TOX: variants seen among roughly 807,000 people sequenced by gnomAD.
TOX encodes thymocyte selection associated high mobility group box.
TOX carries 11 observed loss-of-function variants against 53.7 expected under a neutral mutation model. The ratio of observed to expected loss-of-function variants is 0.20; its 90% CI spans 0.13 to 0.34. TOX has a LOEUF of 0.34. TOX is among the 10% of genes least tolerant of loss of function. The probability of loss-of-function intolerance (pLI) is 1.00; values close to 1 mark genes in which losing one functional copy is unlikely to be tolerated. For synonymous variants in TOX, 225 were observed against 245.3 expected (o/e 0.92, Z 0.77); for missense variants, 570 against 664.6 (o/e 0.86, Z 1.56).
chr8:58,811,642 C>T (rs1252512089), intron 7 of TOX, among the ~76,000 whole-genome samples: 1 of 152,154 alleles, frequency 6.6e-6, no homozygotes, highest in East Asian at 1.9e-4. Flanking sequence ...AAATTACACC[C>T]AAATCCTAAA....
chr8:58,989,579 C>A (rs1384537978), intron 1 of TOX, among the ~76,000 whole-genome samples: 2 of 152,106 alleles, frequency 1.3e-5, no homozygotes, highest in Non-Finnish European at 2.9e-5. Context: ...AATTGTTTTT[C>A]CTTTACTGTT....
chr8:58,960,266 A>G (rs1267374314), intron 1 of TOX, among the ~76,000 whole-genome samples: 1 of 152,168 alleles, frequency 6.6e-6, no homozygotes, highest in African/African-American at 2.4e-5. Flanking sequence ...CAAGAAATGA[A>G]TGGTTTCCTT....
At chr8:59,055,590 T>C (rs1803875824) in intron 1 of TOX, among the ~76,000 whole-genome samples, 1 of 152,182 alleles carries the variant, frequency 6.6e-6, no homozygotes, top group Admixed American at 6.5e-5. Context: ...ATGGGAAATT[T>C]AACACATAAT....
chr8:58,893,147 G>A (rs1278752325), intron 3 of TOX, among the ~76,000 whole-genome samples: 1 of 152,072 alleles, frequency 6.6e-6, no homozygotes, highest in East Asian at 1.9e-4. Flanking sequence ...ATTTTGTAAA[G>A]TTATAATTTT....
At chr8:58,812,669 T>C (rs1009073256) in intron 7 of TOX, among the ~76,000 whole-genome samples, 6 of 152,174 alleles carry the variant, frequency 3.9e-5, no homozygotes, top group African/African-American at 1.4e-4. Flanking sequence ...TATTTGTTTA[T>C]CATATCACCA....
At chr8:59,076,744 T>G (rs996819829) in intron 1 of TOX, among the ~76,000 whole-genome samples, 1 of 152,224 alleles carries the variant, frequency 6.6e-6, no homozygotes, top group African/African-American at 2.4e-5. Context: ...TTCAAAAACA[T>G]GCTCTCTTCA....
chr8:59,083,583 T>C (rs1037915693), intron 1 of TOX, among the ~76,000 whole-genome samples: 10 of 152,188 alleles, frequency 6.6e-5, no homozygotes, highest in Non-Finnish European at 1.5e-4. Context: ...AATGATTATA[T>C]TTTATTTCAA....
chr8:58,978,209 A>C (rs1343769945), intron 1 of TOX, among the ~76,000 whole-genome samples: 1 of 151,712 alleles, frequency 6.6e-6, no homozygotes, highest in Non-Finnish European at 1.5e-5. Flanking sequence ...CTGGGATCTT[A>C]GATAGTCCCA....
rs115137820 is a variant in TOX at position 58,934,560 on chromosome 8, T to G, written c.411+4742A>C. Among the ~76,000 whole-genome samples the G allele has an allele frequency of 2.8e-3, 420 of 152,266 alleles. 2 individuals are homozygous for G. Among genetic ancestry groups the G allele is most frequent in the African/African-American group, 9.5e-3 (394 of 41,540 alleles). On this transcript the variant is annotated intron_variant, in intron 3 of 8. Transcript: ENST00000361421. ...AGCTGGTAAGCAGAAGTGCCAGGAT[T>G]TGAACTGACGCACTCTGGCCCAAAG...
chr8:58,871,172 C>CAAA lies in TOX; in HGVS notation c.412-19370_412-19368dup, dbSNP rs36036067. Among the ~76,000 whole-genome samples, 115 of 70,394 alleles carry CAAA rather than the reference C, an allele frequency of 1.6e-3. 2 individuals carry two copies. Among genetic ancestry groups the CAAA allele is most frequent in the Middle Eastern group, 0.016 (2 of 122 alleles). The allele number at this position is 70,394 out of a possible 152,430, so 46.2% of individuals were successfully genotyped here. Reference sequence around the variant, plus strand: ...ATACTGCTGATTGAAAGAAGCCAGTCAAAAAAAAAAAAAAAAAAAGCTACA... The same window carrying CAAA: ...ATACTGCTGATTGAAAGAAGCCAGTCAAAAAAAAAAAAAAAAAAAAAAGCTACA... On this transcript the variant is annotated intron_variant, in intron 3 of 8. Coordinates refer to ENST00000361421, the MANE Select transcript of TOX (RefSeq NM_014729.3).
chr8:58,977,631 C>T (rs1042642996), intron 1 of TOX, among the ~76,000 whole-genome samples: 2 of 152,170 alleles, frequency 1.3e-5, no homozygotes, highest in Admixed American at 6.5e-5. Flanking sequence ...AGATGTGAGA[C>T]TCTTCCTTTC....
intron 3 of TOX, 26 bp downstream of exon 3, chr8:58,939,276 C>G (rs1812394508): frequency 6.2e-7 from 1 of 1,612,502 alleles, no homozygotes; most frequent in Non-Finnish European, 8.5e-7. Context: ...TCAGCCCCCA[C>G]CACAAACAGG....
At chr8:59,021,155 C>A (rs540049435) in intron 1 of TOX, among the ~76,000 whole-genome samples, 27 of 143,946 alleles carry the variant, frequency 1.9e-4, no homozygotes, top group Non-Finnish European at 3.6e-4. Context: ...TTCTCTAAAC[C>A]AATGTAACAG....
intron 1 of TOX, among the ~76,000 whole-genome samples, chr8:59,102,711 A>G (rs1327782920): frequency 6.6e-6 from 1 of 152,194 alleles, no homozygotes; most frequent in Non-Finnish European, 1.5e-5. Flanking sequence ...CCATATCAGC[A>G]TCTAAGAAAG....
intron 1 of TOX, among the ~76,000 whole-genome samples, chr8:59,084,169 T>C (rs576547870): frequency 2.0e-5 from 3 of 152,296 alleles, no homozygotes; most frequent in East Asian, 1.9e-4. Context: ...AAAAAGTATA[T>C]ACTTATTTTA....
At chr8:58,848,644 A>G (rs1810759063) in intron 4 of TOX, among the ~76,000 whole-genome samples, 1 of 152,130 alleles carries the variant, frequency 6.6e-6, no homozygotes, top group Non-Finnish European at 1.5e-5. Context: ...ACGGGATTAC[A>G]GGCTTAGAAC....
chr8:58,987,566 T>A (rs549148738), intron 1 of TOX, among the ~76,000 whole-genome samples: 47 of 152,330 alleles, frequency 3.1e-4, no homozygotes, highest in Admixed American at 8.5e-4. Context: ...TAATTCTGAT[T>A]GGAGCCGGAA....
rs187307724 is a variant in TOX, at chr8:59,074,455, T to G, written c.102+44431A>C. Among the ~76,000 whole-genome samples, 287 of 152,314 alleles carry G rather than the reference T, an allele frequency of 1.9e-3. 1 individual carries two copies. Among genetic ancestry groups the G allele is most frequent in the African/African-American group, 6.4e-3 (268 of 41,558 alleles). Reference sequence around the variant, plus strand: ...AATAAGTACTGAATGAACATCTATCTACGAGGTACCTCGTAAGATATGCGG... The same window carrying G: ...AATAAGTACTGAATGAACATCTATCGACGAGGTACCTCGTAAGATATGCGG... On this transcript the variant is annotated intron_variant, in intron 1 of 8. Transcript: ENST00000361421.
intron 1 of TOX, among the ~76,000 whole-genome samples, chr8:59,056,747 A>C (rs1803896565): frequency 6.6e-6 from 1 of 152,186 alleles, no homozygotes; most frequent in Non-Finnish European, 1.5e-5. Context: ...TATCTGATTG[A>C]AAAAACCAAC....
Sources: allele counts gnomAD v4.1 joint callset (sites outside exome capture counted in the v4.1 genomes callset), GRCh38; gene constraint gnomAD v4.1.1; transcripts MANE v1.5; gene names NCBI Gene and HGNC (gene_info 2026-07-23, HGNC 2026-07-21).